Variants in CADPS2 observed in about 807,000 individuals in gnomAD.
The protein encoded by CADPS2 is calcium dependent secretion activator 2, also known as calcium-dependent secretion activator 2.
Under a neutral mutation model 172.5 loss-of-function variants are expected in CADPS2, and 93 were observed. The observed-to-expected ratio is 0.54, with a 90% CI of 0.46 to 0.64. The LOEUF is 0.64. Among genes scored for constraint, CADPS2 ranks in the 30% least tolerant of loss-of-function variants. The pLI is 0.00. For synonymous variants in CADPS2, 546 were observed against 555.2 expected (o/e 0.98, Z 0.23); for missense variants, 1,420 against 1,565.9 (o/e 0.91, Z 1.57).
intron 1 of CADPS2, among the ~76,000 whole-genome samples, chr7:122,762,996 G>C (rs2093438525): frequency 6.6e-6 from 1 of 152,078 alleles, no homozygotes; most frequent in Non-Finnish European, 1.5e-5. Context: ...GTGACCTACA[G>C]AGCAACCAGT....
intron 2 of CADPS2, among the ~76,000 whole-genome samples, chr7:122,708,872 G>A (rs1175379662): frequency 2.0e-5 from 3 of 151,758 alleles, no homozygotes; most frequent in Non-Finnish European, 2.9e-5. Flanking sequence ...TGTAGTCTTT[G>A]CACTAGGAGG....
chr7:122,373,027 T>C (rs1159229817), intron 25 of CADPS2, among the ~76,000 whole-genome samples: 4 of 152,236 alleles, frequency 2.6e-5, no homozygotes, highest in Admixed American at 2.0e-4. Flanking sequence ...AACTACTTTA[T>C]TCTATGTTCA....
chr7:122,421,441 C>T (rs1206179853), intron 17 of CADPS2, among the ~76,000 whole-genome samples: 4 of 152,096 alleles, frequency 2.6e-5, no homozygotes, highest in Non-Finnish European at 5.9e-5. Flanking sequence ...ATCTTCTTCC[C>T]TCCTTTGCAT....
intron 8 of CADPS2, among the ~76,000 whole-genome samples, chr7:122,528,594 A>G (rs1001750990): frequency 1.3e-5 from 2 of 152,152 alleles, no homozygotes; most frequent in African/African-American, 4.8e-5. Context: ...ACTACATAGG[A>G]CTAGATTTAT....
chr7:122,725,342 T>C (rs1364057919), intron 2 of CADPS2, among the ~76,000 whole-genome samples: 1 of 151,934 alleles, frequency 6.6e-6, no homozygotes, highest in Non-Finnish European at 1.5e-5. Flanking sequence ...CTCTTTTATA[T>C]ATATATGTAT....
intron 27 of CADPS2, among the ~76,000 whole-genome samples, chr7:122,354,105 A>G (rs1232833895): frequency 6.6e-6 from 1 of 152,148 alleles, no homozygotes; most frequent in African/African-American, 2.4e-5. Context: ...GAAAGAATTC[A>G]GATGTGACTT....
intron 1 of CADPS2, among the ~76,000 whole-genome samples, chr7:122,800,855 G>A (rs1294522173): frequency 3.3e-5 from 5 of 152,086 alleles, no homozygotes; most frequent in East Asian, 3.9e-4. Context: ...GCCGGGCGTG[G>A]TGGCACATGC....
At chr7:122,749,178 C>T (rs766327559) in intron 1 of CADPS2, among the ~76,000 whole-genome samples, 8 of 152,112 alleles carry the variant, frequency 5.3e-5, no homozygotes, top group African/African-American at 1.2e-4. Flanking sequence ...TTTTCTCCCA[C>T]GTATCACTGA....
chr7:122,873,685 C>T (rs1820443254), intron 1 of CADPS2, among the ~76,000 whole-genome samples: 1 of 152,090 alleles, frequency 6.6e-6, no homozygotes, highest in Non-Finnish European at 1.5e-5. Flanking sequence ...GGTATATACC[C>T]AATAATGAGA....
intron 1 of CADPS2, among the ~76,000 whole-genome samples, chr7:122,741,332 G>A (rs1384996206): frequency 1.3e-5 from 2 of 152,112 alleles, no homozygotes; most frequent in Non-Finnish European, 2.9e-5. Flanking sequence ...GGATGGCTGT[G>A]GGAACTGGAC....
At chr7:122,442,120 A>G (rs1367523615) in intron 15 of CADPS2, among the ~76,000 whole-genome samples, 1 of 152,146 alleles carries the variant, frequency 6.6e-6, no homozygotes, top group Non-Finnish European at 1.5e-5. Flanking sequence ...TGTCCCAAAT[A>G]TTTCTAGTTC....
At chr7:122,355,777 T>C (rs2039317164) in intron 27 of CADPS2, among the ~76,000 whole-genome samples, 2 of 152,094 alleles carry the variant, frequency 1.3e-5, no homozygotes, top group South Asian at 4.1e-4. Context: ...CTAATGCAGT[T>C]ATGTAGCTTA....
At chr7:122,657,326 TG>T (rs2079929410) in intron 3 of CADPS2, among the ~76,000 whole-genome samples, 1 of 152,186 alleles carries the variant, frequency 6.6e-6, no homozygotes, top group Non-Finnish European at 1.5e-5. Context: ...TTTAAAGTAG[TG>T]CTTTCCGATT....
intron 5 of CADPS2, among the ~76,000 whole-genome samples, chr7:122,621,033 G>A (rs2075548126): frequency 6.6e-6 from 1 of 151,810 alleles, no homozygotes; most frequent in South Asian, 2.1e-4. Context: ...AGCCTCCCAA[G>A]TAGCTGGGAC....
chr7:122,333,238 G>T (rs1019742456), intron 28 of CADPS2, among the ~76,000 whole-genome samples: 2 of 152,088 alleles, frequency 1.3e-5, no homozygotes, highest in African/African-American at 4.8e-5. Flanking sequence ...CCATAATGTA[G>T]GATTTATATA....
intron 1 of CADPS2, among the ~76,000 whole-genome samples, chr7:122,822,320 A>G (rs955870101): frequency 2.0e-5 from 3 of 152,024 alleles, no homozygotes; most frequent in Non-Finnish European, 4.4e-5. Context: ...CAATCATTCT[A>G]TAAGACAAAT....
intron 1 of CADPS2, among the ~76,000 whole-genome samples, chr7:122,824,135 G>GA (rs1215384799): frequency 6.6e-6 from 1 of 151,964 alleles, no homozygotes; most frequent in Admixed American, 6.6e-5. Flanking sequence ...AAATAAAGTT[G>GA]AAAAAAATAT....
At chr7:122,366,281 T>C (rs955031531) in intron 25 of CADPS2, among the ~76,000 whole-genome samples, 7 of 151,744 alleles carry the variant, frequency 4.6e-5, no homozygotes, top group Admixed American at 4.6e-4. Context: ...TTGTCTTCCC[T>C]AAATCAGAAC....
chr7:122,863,068 A>C (rs1309001637), intron 1 of CADPS2, among the ~76,000 whole-genome samples: 1 of 152,178 alleles, frequency 6.6e-6, no homozygotes, highest in East Asian at 1.9e-4. Context: ...AAAATGTGAC[A>C]ACTGAAAATG....
Sources: gnomAD v4.1 joint callset for allele counts (sites outside exome capture counted in the v4.1 genomes callset) on GRCh38, gnomAD v4.1.1 for gene constraint, MANE v1.5 for transcripts, NCBI Gene and HGNC (gene_info 2026-07-23, HGNC 2026-07-21) for gene names.